Variants in PREX1 observed in about 807,000 individuals in gnomAD.
PREX1 encodes phosphatidylinositol 3,4,5-trisphosphate-dependent Rac exchanger 1 protein.
PREX1 carries 41 observed loss-of-function variants against 198.3 expected under a neutral mutation model. The observed-to-expected ratio is 0.21, with a 90% CI of 0.16 to 0.27. The LOEUF is 0.27. Ranked by LOEUF, PREX1 falls within the 10% of genes least tolerant of loss-of-function variation. The pLI is 1.00. For missense variants in PREX1, 1,620 were observed against 2,200.7 expected, an observed-to-expected ratio of 0.74 and a Z score of 5.28; for synonymous variants, 843 against 887.2, an observed-to-expected ratio of 0.95 and a Z score of 0.89.
intron 8 of PREX1, chr20:48,692,236 T>C (rs2089823065): frequency 6.3e-6 from 1 of 158,148 alleles, no homozygotes; most frequent in African/African-American, 2.4e-5. Flanking sequence ...GACCATTATA[T>C]GACCAGGTGG....
chr20:48,812,607 C>G (rs1257395646), intron 1 of PREX1, among the ~76,000 whole-genome samples: 2 of 152,090 alleles, frequency 1.3e-5, no homozygotes, highest in African/African-American at 4.8e-5. Context: ...GGAATGCTTA[C>G]TATGTACCTC....
chr20:48,864,147 G>C, the PREX1 span, among the ~76,000 whole-genome samples: 1 of 152,190 alleles, frequency 6.6e-6, no homozygotes, highest in East Asian at 1.9e-4. Context: ...GAAAATACAA[G>C]AGGACGCAGA....
At chr20:48,702,848 C>CA in intron 6 of PREX1, among the ~76,000 whole-genome samples, 1 of 152,336 alleles carries the variant, frequency 6.6e-6, no homozygotes, top group East Asian at 1.9e-4. Context: ...AAGGTACAGA[C>CA]AACAGGGTGC....
chr20:48,706,950 C>T (rs2089906397), intron 6 of PREX1, among the ~76,000 whole-genome samples: 1 of 152,192 alleles, frequency 6.6e-6, no homozygotes, highest in Non-Finnish European at 1.5e-5. Flanking sequence ...ATCAGAACAT[C>T]ACCTGTCCAA....
intron 1 of PREX1, among the ~76,000 whole-genome samples, chr20:48,749,760 G>A (rs924692467): frequency 4.6e-5 from 7 of 152,120 alleles, no homozygotes; most frequent in African/African-American, 1.2e-4. Flanking sequence ...CAGTCTTGGG[G>A]CTTTAACCCA....
chr20:48,870,697 C>T, the PREX1 span, among the ~76,000 whole-genome samples: 4 of 152,044 alleles, frequency 2.6e-5, no homozygotes, highest in African/African-American at 9.7e-5. Context: ...CCTGTAATCC[C>T]AGCACTTTGG....
chr20:48,694,652 T>C (rs2089836153), intron 7 of PREX1, among the ~76,000 whole-genome samples: 1 of 152,226 alleles, frequency 6.6e-6, no homozygotes, highest in Non-Finnish European at 1.5e-5. Flanking sequence ...AGTGGGTTTG[T>C]TCCCACGCCG....
intron 5 of PREX1, among the ~76,000 whole-genome samples, chr20:48,723,802 G>C (rs1162544334): frequency 6.6e-6 from 1 of 152,182 alleles, no homozygotes; most frequent in Non-Finnish European, 1.5e-5. Context: ...GATGGGAACA[G>C]GCCTCAGAAA....
At chr20:48,886,030 C>T in the PREX1 span, among the ~76,000 whole-genome samples, 5 of 152,008 alleles carry the variant, frequency 3.3e-5, no homozygotes, top group Non-Finnish European at 7.4e-5. Context: ...TGTGCAATCC[C>T]GAAACCTAAT....
intron 1 of PREX1, among the ~76,000 whole-genome samples, chr20:48,825,551 AT>A (rs2123089532): frequency 6.6e-6 from 1 of 152,238 alleles, no homozygotes; most frequent in South Asian, 2.1e-4. Flanking sequence ...AATTTCCATT[AT>A]TCCAGCTTCC....
intron 1 of PREX1, among the ~76,000 whole-genome samples, chr20:48,822,371 C>T (rs566277428): frequency 2.4e-4 from 37 of 152,182 alleles, no homozygotes; most frequent in Non-Finnish European, 5.3e-4. Flanking sequence ...GCCATGCAGC[C>T]GCATTACCTG....
At chr20:48,625,995 T>C in intron 39 of PREX1, 68 bp from the exon 40 acceptor site, 2 of 1,413,424 alleles carry the variant, frequency 1.4e-6, no homozygotes, top group Non-Finnish European at 1.9e-6. Context: ...ATTATTTCCA[T>C]TTTTACCTGA....
intron 1 of PREX1, among the ~76,000 whole-genome samples, chr20:48,814,569 G>A (rs1037785105): frequency 5.9e-5 from 9 of 152,166 alleles, no homozygotes; most frequent in African/African-American, 2.2e-4. Flanking sequence ...AGAAAGAAAT[G>A]TGGTGGGGCC....
At chr20:48,805,399 A>G (rs2090407317) in intron 1 of PREX1, among the ~76,000 whole-genome samples, 1 of 152,262 alleles carries the variant, frequency 6.6e-6, no homozygotes. Flanking sequence ...GCCAGGCTGC[A>G]GACACCACGT....
At chr20:48,811,306 T>C (rs2090433884) in intron 1 of PREX1, among the ~76,000 whole-genome samples, 1 of 152,094 alleles carries the variant, frequency 6.6e-6, no homozygotes, top group African/African-American at 2.4e-5. Context: ...TGAGCCACTG[T>C]ACCCAGCCTA....
Position 48,777,647 on chromosome 20 carries a change from C to A in PREX1, c.220-29767G>T, listed in dbSNP as rs113166930. Among the ~76,000 whole-genome samples, 650 of 152,252 alleles carry A rather than the reference C, an allele frequency of 4.3e-3. 3 individuals are homozygous for A. The highest frequency in any genetic ancestry group is 0.015 in the African/African-American group (607 of 41,534). The stretch of plus-strand genomic sequence containing the variant: ...ATGGACTCTGATATAAAGACCAAGG[C>A]CTGAAGGGTCACGGCAAAGCCAAGC... On this transcript the variant is annotated intron_variant, in intron 1 of 39. Coordinates refer to ENST00000371941, the MANE Select transcript of PREX1 (RefSeq NM_020820.4).
In PREX1 at chr20:48,629,460, T is replaced by G. The variant is rs760325616; in HGVS notation, c.4755A>C (p.Thr1585=). 7.4e-6 allele frequency: 12 copies of G among 1,613,464 alleles called. No homozygotes were observed. The African/African-American group carries it at 1.5e-4, about 20-fold the overall frequency. ...GGGCAGCAGCTCACCTCTGCATGCC[T>G]GTGCCACACATGACCATCTGGCAGG... The part of the protein sequence containing the change: ...LGACQMVMCG[T]GMQRSTLSVS... The change falls in exon 37 of 40, where the codon ACA becomes ACC. Residue 1585 remains threonine (T), a synonymous_variant. Transcript: ENST00000371941.
chr20:48,805,388 G>A (rs1256732065), intron 1 of PREX1, among the ~76,000 whole-genome samples: 2 of 152,256 alleles, frequency 1.3e-5, no homozygotes, highest in Non-Finnish European at 2.9e-5. Flanking sequence ...ACCCGGCCAA[G>A]GCCAGGCTGC....
At chr20:48,634,886 G>A in intron 32 of PREX1, 111 bp from the exon 33 acceptor site, 1 of 863,034 alleles carries the variant, frequency 1.2e-6, no homozygotes, top group East Asian at 2.7e-5. Flanking sequence ...TGGGCCCCCT[G>A]GGTGCCAGGT....
Sources: gnomAD v4.1 joint callset for allele counts (sites outside exome capture counted in the v4.1 genomes callset) on GRCh38, gnomAD v4.1.1 for gene constraint, MANE v1.5 for transcripts, NCBI Gene and HGNC (gene_info 2026-07-23, HGNC 2026-07-21) for gene names.